Variants in LGR5 observed in about 807,000 individuals in gnomAD.
LGR5 encodes the protein leucine rich repeat containing G protein-coupled receptor 5, also known as leucine-rich repeat-containing G protein-coupled receptor 5.
Under a neutral mutation model 76.7 loss-of-function variants are expected in LGR5, and 54 were observed. The observed-to-expected ratio is 0.70, with a 90% CI of 0.57 to 0.88. LGR5 has a LOEUF of 0.88. Among genes scored for constraint, LGR5 ranks in the 40% least tolerant of loss-of-function variants. The pLI is 0.00. For synonymous variants in LGR5, 406 were observed against 421.9 expected, an observed-to-expected ratio of 0.96 and a Z score of 0.46; for missense variants, 1,078 against 1,073.3, an observed-to-expected ratio of 1.00 and a Z score of -0.06.
intron 1 of LGR5, among the ~76,000 whole-genome samples, chr12:71,486,260 ATGT>A (rs1404689309): frequency 1.3e-5 from 2 of 152,176 alleles, no homozygotes; most frequent in Non-Finnish European, 2.9e-5. Context: ...AGTCAGGTAG[ATGT>A]TGTTATCATC....
intron 4 of LGR5, among the ~76,000 whole-genome samples, chr12:71,545,786 T>G (rs1877126280): frequency 6.6e-6 from 1 of 152,132 alleles, no homozygotes; most frequent in Admixed American, 6.6e-5. Flanking sequence ...ATATGAGATA[T>G]GTATAAAGGG....
At chr12:71,566,557 G>T (rs1263425712) in intron 9 of LGR5, 75 bp from the exon 10 acceptor site, 4 of 1,516,244 alleles carry the variant, frequency 2.6e-6, no homozygotes, top group African/African-American at 2.7e-5. Flanking sequence ...AGGTTGAAGT[G>T]CTTTGAAAAT....
At chr12:71,514,566 T>C (rs1272993212) in intron 2 of LGR5, among the ~76,000 whole-genome samples, 3 of 17,830 alleles carry the variant, frequency 1.7e-4, no homozygotes, top group Non-Finnish European at 3.2e-4. Flanking sequence ...AGACTCCCTC[T>C]CAAAAAAAAA....
intron 13 of LGR5, among the ~76,000 whole-genome samples, chr12:71,575,016 T>G (rs1163685310): frequency 6.6e-6 from 1 of 152,188 alleles, no homozygotes; most frequent in Non-Finnish European, 1.5e-5. Flanking sequence ...GCTTAAGAAT[T>G]TAAACATGTT....
chr12:71,440,552 A>C lies in LGR5; in HGVS notation c.212+260A>C, dbSNP rs1592444646. Among the ~76,000 whole-genome samples the C allele has an allele frequency of 6.6e-6, 1 of 152,206 alleles. No individual in the cohort carries two copies. Among genetic ancestry groups the C allele is most frequent in the Non-Finnish European group, 1.5e-5 (1 of 68,036 alleles). On this transcript the variant is annotated intron_variant, in intron 1 of 17. Coordinates refer to ENST00000266674, the MANE Select transcript of LGR5 (RefSeq NM_003667.4). The surrounding 1 kb of genome is among the most constrained non-coding windows in gnomAD (Gnocchi z 5.3). ...AAGCGCTGCTGCGCCGCAGCTTCCC[A>C]GTCCAGCGCTAGAAACATCGCAGGG...
chr12:71,446,504 T>G (rs1872000014), intron 1 of LGR5, among the ~76,000 whole-genome samples: 1 of 152,174 alleles, frequency 6.6e-6, no homozygotes. Flanking sequence ...ACTTGTGACG[T>G]TAGGAATGAT....
intron 3 of LGR5, among the ~76,000 whole-genome samples, chr12:71,531,615 C>T (rs1010685072): frequency 1.3e-5 from 2 of 152,116 alleles, no homozygotes; most frequent in African/African-American, 4.8e-5. Context: ...TGCCTGTAAT[C>T]CCAGCACTTT....
chr12:71,476,490 G>T (rs1041314555), intron 1 of LGR5, among the ~76,000 whole-genome samples: 1 of 152,140 alleles, frequency 6.6e-6, no homozygotes, highest in Non-Finnish European at 1.5e-5. Flanking sequence ...AGGGCAGTGG[G>T]ATTTGCCATG....
In LGR5 at chr12:71,553,258, C is replaced by T. The variant is rs750191457; in HGVS notation, c.614C>T (p.Ala205Val). The T allele has an allele frequency of 6.2e-6, 10 of 1,613,698 alleles. No homozygotes were observed. Residue 205 changes from alanine to valine, a missense_variant, in exon 5 of 18, where the codon GCC becomes GTC. Transcript: ENST00000266674. ...AAAATACACCACATACCAGACTATGCCTTTGGAAACCTCTCCAGCTTGGTA... is the reference window on the plus strand; with the variant it reads ...AAAATACACCACATACCAGACTATGTCTTTGGAAACCTCTCCAGCTTGGTA... ...LNKIHHIPDY[A>V]FGNLSSLVVL... is the part of the protein sequence containing the mutation.
In LGR5 at chr12:71,535,196, G is replaced by C; in HGVS notation, c.428+10G>C. The C allele has an allele frequency of 1.3e-6, 2 of 1,553,710 alleles. No homozygotes were observed. Among genetic ancestry groups the C allele is most frequent in the Non-Finnish European group, 1.8e-6 (2 of 1,126,528 alleles). On this transcript the variant is annotated intron_variant, in intron 4 of 17. Transcript: ENST00000266674. ...GAAGCCTTCAATCCCTGTAAGTATA[G>C]TAGACATTGCAAAATATATTTAAGA...
At chr12:71,444,499 T>C (rs1284998822) in intron 1 of LGR5, among the ~76,000 whole-genome samples, 2 of 152,122 alleles carry the variant, frequency 1.3e-5, no homozygotes, top group Non-Finnish European at 2.9e-5. Context: ...ATATTTAACA[T>C]ATGCATGGCA....
chr12:71,491,790 C>T (rs1874087545), intron 1 of LGR5, among the ~76,000 whole-genome samples: 1 of 147,396 alleles, frequency 6.8e-6, no homozygotes, highest in South Asian at 2.2e-4. Context: ...ACATCTATCA[C>T]TGTGAATCAT....
At chr12:71,500,265 C>A (rs920891266) in intron 1 of LGR5, among the ~76,000 whole-genome samples, 2 of 152,124 alleles carry the variant, frequency 1.3e-5, no homozygotes, top group African/African-American at 4.8e-5. Flanking sequence ...CTTTAATTAT[C>A]TTAAGCTTCC....
chr12:71,577,259 A>G (rs1298433030), intron 13 of LGR5, among the ~76,000 whole-genome samples: 1 of 152,256 alleles, frequency 6.6e-6, no homozygotes, highest in Non-Finnish European at 1.5e-5. Flanking sequence ...AATTATCTAC[A>G]GAAGTTTTTG....
At chr12:71,508,752 CAAAAAAA>C in intron 2 of LGR5, among the ~76,000 whole-genome samples, 1 of 28,138 alleles carries the variant, frequency 3.6e-5, no homozygotes, top group South Asian at 2.1e-3. Context: ...GACTCAGTCT[CAAAAAAA>C]AAAAAAAAAA....
chr12:71,497,658 G>T (rs2137291751), intron 1 of LGR5, among the ~76,000 whole-genome samples: 1 of 152,292 alleles, frequency 6.6e-6, no homozygotes, highest in African/African-American at 2.4e-5. Context: ...AAAAGTGCTG[G>T]AATGGCTCCA....
chr12:71,489,541 T>C (rs1873974166), intron 1 of LGR5, among the ~76,000 whole-genome samples: 1 of 152,182 alleles, frequency 6.6e-6, no homozygotes, highest in South Asian at 2.1e-4. Context: ...GTAGTCAACT[T>C]GGCATGAAAG....
intron 1 of LGR5, among the ~76,000 whole-genome samples, chr12:71,479,164 G>A (rs1420921795): frequency 6.6e-6 from 1 of 152,004 alleles, no homozygotes; most frequent in Non-Finnish European, 1.5e-5. Flanking sequence ...TTTTCTATGA[G>A]TTGTTCATTA....
intron 5 of LGR5, among the ~76,000 whole-genome samples, chr12:71,553,822 G>A (rs1877621376): frequency 1.3e-5 from 2 of 152,178 alleles, no homozygotes; most frequent in South Asian, 4.1e-4. Flanking sequence ...CCGGCACAGT[G>A]GCTCATACCT....
Sources: gnomAD v4.1 joint callset for allele counts (sites outside exome capture counted in the v4.1 genomes callset) on GRCh38, gnomAD v4.1.1 for gene constraint, Gnocchi (gnomAD v3.1) non-coding constraint, MANE v1.5 for transcripts, NCBI Gene and HGNC (gene_info 2026-07-23, HGNC 2026-07-21) for gene names.